The following PGK1 variants were observed in gnomAD, a reference collection of about 807,000 sequenced individuals.
PGK1 encodes the protein phosphoglycerate kinase 1.
A neutral mutation model predicts 26.9 loss-of-function variants in PGK1; 3 were observed. The observed-to-expected ratio is 0.11, with a 90% CI of 0.05 to 0.29. The LOEUF is 0.29. Ranked by LOEUF, PGK1 falls within the 10% of genes least tolerant of loss-of-function variation. The pLI, the probability that PGK1 is intolerant of heterozygous loss-of-function variation, is 1.00. For missense variants in PGK1, 270 were observed against 314.7 expected (o/e 0.86, Z 1.07); for synonymous variants, 125 against 115.3 (o/e 1.08, Z -0.54).
intron 5 of PGK1, 78 bp downstream of exon 5, chrX:78,117,493 T>C (rs2078332397): frequency 1.5e-6 from 1 of 662,282 alleles, no homozygotes; most frequent in Non-Finnish European, 2.5e-6. Context: ...TGGGTTGTTT[T>C]TGGAGAGTTT....
rs192531510 is a variant in PGK1 at position 78,117,109 on chromosome X, T to C, written c.418-203T>C. ...ATTAGGTTTGCAATTTGAGGGAAGT[T>C]AAGGGAGAGCAGAAACATGCAGAAA... is the stretch of plus-strand genomic sequence containing the variant. On this transcript the variant is annotated intron_variant, in intron 4 of 10. Transcript: ENST00000373316. 3.6e-5 allele frequency among the ~76,000 whole-genome samples: 4 copies of C among 110,840 alleles called. No individual in the cohort carries two copies. In the Admixed American group the frequency reaches 3.8e-4, roughly 11 times the overall value.
chrX:78,125,359 T>G lies in PGK1; in HGVS notation c.1147T>G (p.Trp383Gly), dbSNP rs782469327. Residue 383 changes from tryptophan to glycine, a missense_variant, in exon 10 of 11, where the codon TGG becomes GGG. Physicochemically the swap from Trp to Gly is radical, Grantham distance 184. Coordinates refer to ENST00000373316, the MANE Select transcript of PGK1 (RefSeq NM_000291.4). ...GGDTATCCAKWNTEDKVSHVS... is the reference protein window; with the variant it reads ...GGDTATCCAKGNTEDKVSHVS... ...AGACACTGCCACTTGCTGTGCCAAA[T>G]GGAACACGGAGGATAAAGTCAGCCA... The G allele has an allele frequency of 8.3e-7, 1 of 1,206,370 alleles. No homozygotes were observed. The highest frequency in any genetic ancestry group is 3.0e-5 in the East Asian group (1 of 33,727).
At chrX:78,113,980 T>C in intron 3 of PGK1, 36 bp from the exon 4 acceptor site, 1 of 1,209,389 alleles carries the variant, frequency 8.3e-7, no homozygotes, top group Non-Finnish European at 1.1e-6. Context: ...TTAACTTTCA[T>C]ACTGCTCAAG....
chrX:78,117,998 T>C (rs2078334782), intron 5 of PGK1, 53 bp from the exon 6 acceptor site: 1 of 1,125,574 alleles, frequency 8.9e-7, no homozygotes, highest in Non-Finnish European at 1.2e-6. Flanking sequence ...CCTCTAGGAC[T>C]AGGAGGAATG....
At chrX:78,117,845 A>C (rs1454904758) in intron 5 of PGK1, among the ~76,000 whole-genome samples, 2 of 112,659 alleles carry the variant, frequency 1.8e-5, no homozygotes, top group Non-Finnish European at 3.7e-5. Context: ...TAAGTTCATT[A>C]CTTTTTTACT....
rs1181199813 is a variant in PGK1, at chrX:78,124,906, G to A, written c.969G>A (p.Lys323=). ...ACTGTGGTCCTGAAAGCAGCAAGAA[G>A]TATGCTGAGGCTGTCACTCGGGCTA... ...GLDCGPESSK[K]YAEAVTRAKQ... is the part of the protein sequence containing the mutation. The change falls in exon 9 of 11, where the codon AAG becomes AAA. Residue 323 remains lysine (K), a synonymous_variant. Transcript: ENST00000373316. 8.3e-7 allele frequency: 1 copy of A among 1,207,004 alleles called. No homozygotes were observed. The highest frequency in any genetic ancestry group is 1.8e-5 in the African/African-American group (1 of 56,847).
chrX:78,125,698 T>C, intron 10 of PGK1, 92 bp from the exon 11 acceptor site: 1 of 798,056 alleles, frequency 1.3e-6, no homozygotes, highest in Non-Finnish European at 1.9e-6. Context: ...AAAAAAGAGC[T>C]GGCATGTTAT....
At chrX:78,109,328 A>AT (rs1557246609) in intron 1 of PGK1, among the ~76,000 whole-genome samples, 2 of 110,274 alleles carry the variant, frequency 1.8e-5, no homozygotes, top group African/African-American at 6.6e-5. Flanking sequence ...TTTTATTTTA[A>AT]TTTTTTTCTC....
chrX:78,113,682 G>A, intron 2 of PGK1, 62 bp from the exon 3 acceptor site: 1 of 1,039,401 alleles, frequency 9.6e-7, no homozygotes, highest in Admixed American at 2.3e-5. Context: ...TTATCAATAA[G>A]CTAGTTCCCA....
At chrX:78,113,553 T>C (rs1298472311) in intron 2 of PGK1, among the ~76,000 whole-genome samples, 191 bp from the exon 3 acceptor site, 4 of 111,806 alleles carry the variant, frequency 3.6e-5, no homozygotes, top group African/African-American at 1.3e-4. Flanking sequence ...CATAATGAGA[T>C]TGTACAATCC....
At position 78,127,235 on chromosome X, in the gene PGK1, C is replaced by T. The variant is rs968399765; in HGVS notation, c.*1405C>T. 1 of 112,705 alleles carries T rather than the reference C, an allele frequency of 8.9e-6. No homozygotes were observed. The highest frequency in any genetic ancestry group is 3.2e-5 in the African/African-American group (1 of 31,015). The allele number at this position is 112,705 out of a possible 1,213,427, so 9.3% of individuals were successfully genotyped here. ...TAAGTCTGAAAATGTCTTTATTCGA[C>T]CCTTATACTTGATTCCTAGTTTGGC... is the stretch of plus-strand genomic sequence containing the variant. On this transcript the variant is annotated 3_prime_UTR_variant, in exon 11 of 11. Coordinates refer to ENST00000373316, the MANE Select transcript of PGK1 (RefSeq NM_000291.4).
chrX:78,106,297 C>G, intron 1 of PGK1: 2 of 474,286 alleles, frequency 4.2e-6, no homozygotes, highest in Non-Finnish European at 5.2e-6. Context: ...CCTTGGCTAT[C>G]AACTAGATCC....
intron 6 of PGK1, among the ~76,000 whole-genome samples, chrX:78,120,797 A>T (rs1557247963): frequency 8.9e-6 from 1 of 112,142 alleles, no homozygotes; most frequent in African/African-American, 3.2e-5. Flanking sequence ...CCCTGCTGTC[A>T]GGAATGTTTT....
chrX:78,124,230 G>A (rs1175208072), intron 8 of PGK1, among the ~76,000 whole-genome samples: 1 of 111,523 alleles, frequency 9.0e-6, no homozygotes, highest in African/African-American at 3.3e-5. Flanking sequence ...GTATTATTTA[G>A]TTCAGTGTTT....
intron 2 of PGK1, among the ~76,000 whole-genome samples, chrX:78,111,017 T>G (rs782085478): frequency 9.1e-6 from 1 of 110,149 alleles, no homozygotes; most frequent in African/African-American, 3.3e-5. Flanking sequence ...CATGAGATAT[T>G]TTGATAAAAG....
intron 8 of PGK1, among the ~76,000 whole-genome samples, chrX:78,123,724 T>C (rs1268837431): frequency 9.2e-6 from 1 of 108,231 alleles, no homozygotes; most frequent in Non-Finnish European, 1.9e-5. Context: ...TTCTCCTGCC[T>C]AACCCTCCCC....
At chrX:78,116,464 T>C (rs1417991738) in intron 4 of PGK1, among the ~76,000 whole-genome samples, 1 of 112,219 alleles carries the variant, frequency 8.9e-6, no homozygotes, top group African/African-American at 3.2e-5. Context: ...CCCCTTCACC[T>C]CCTTGATACA....
rs782573581 is a variant in PGK1 at position 78,123,420 on chromosome X, G to A, written c.936+46G>A. 23 of 993,720 alleles carry A rather than the reference G, an allele frequency of 2.3e-5. 2 individuals are homozygous for A. The Admixed American group carries it at 5.3e-4, about 23-fold the overall frequency. 81.9% of individuals were successfully genotyped at this position (993,720 alleles called of 1,213,427 possible). A position where few individuals can be genotyped will look rare whatever the true frequency, so the allele number is the denominator to read the frequency against. On this transcript the variant is annotated intron_variant, in intron 8 of 10. Coordinates refer to ENST00000373316, the MANE Select transcript of PGK1 (RefSeq NM_000291.4). ...GGTAGTGTGAGTGAACAGAAACTCTGTGGTGTCATTTATTCATTGATTCAG... is the reference window on the plus strand; with the variant it reads ...GGTAGTGTGAGTGAACAGAAACTCTATGGTGTCATTTATTCATTGATTCAG...
intron 8 of PGK1, among the ~76,000 whole-genome samples, chrX:78,124,282 T>C (rs1209996422): frequency 2.7e-5 from 3 of 111,866 alleles, no homozygotes; most frequent in African/African-American, 9.8e-5. Flanking sequence ...AGTATCATTT[T>C]TGGAACTTGT....
Sources: allele counts gnomAD v4.1 joint callset (sites outside exome capture counted in the v4.1 genomes callset), GRCh38; gene constraint gnomAD v4.1.1; transcripts MANE v1.5; gene names NCBI Gene and HGNC (gene_info 2026-07-23, HGNC 2026-07-21).